The following WDR64 variants were observed in gnomAD, a reference collection of about 807,000 sequenced individuals.
WDR64 encodes WD repeat domain 64.
In WDR64, 112 loss-of-function variants were observed where a neutral mutation model predicts 139.3. That is an observed-to-expected ratio of 0.80 (90% CI 0.69 to 0.94). The LOEUF (loss-of-function observed/expected upper bound fraction) is 0.94. WDR64 is among the 40% of genes least tolerant of loss of function. The pLI is 0.00. For synonymous variants in WDR64, 444 were observed against 437.7 expected (o/e 1.01, Z -0.18); for missense variants, 1,206 against 1,293.1 (o/e 0.93, Z 1.03).
rs1435611894 is a variant in WDR64, at chr1:241,802,758, T to TA, written c.*1546dup. On this transcript the variant is annotated 3_prime_UTR_variant, in exon 28 of 28. Coordinates refer to ENST00000437684, the MANE Select transcript of WDR64 (RefSeq NM_001367482.1). Reference sequence around the variant, plus strand: ...AGGTGGTAGGAATACAGGTATTCATTAAAGAACTCTTTCAAATTCTCTGAG... The same window carrying TA: ...AGGTGGTAGGAATACAGGTATTCATTAAAAGAACTCTTTCAAATTCTCTGAG... Among the ~76,000 whole-genome samples the TA allele has an allele frequency of 6.6e-6, 1 of 152,168 alleles. No individual in the cohort carries two copies.
intron 2 of WDR64, among the ~76,000 whole-genome samples, chr1:241,665,992 T>C (rs1666012014): frequency 6.6e-6 from 1 of 152,214 alleles, no homozygotes; most frequent in Non-Finnish European, 1.5e-5. Flanking sequence ...GCATGCAGGT[T>C]TTTATTTTCT....
At chr1:241,696,742 T>C (rs1471735774) in intron 8 of WDR64, among the ~76,000 whole-genome samples, 2 of 152,154 alleles carry the variant, frequency 1.3e-5, no homozygotes, top group African/African-American at 4.8e-5. Flanking sequence ...GAGGTCACTC[T>C]CATGGCCATC....
intron 8 of WDR64, among the ~76,000 whole-genome samples, chr1:241,706,565 A>G (rs7417070): frequency 0.06 from 9,141 of 152,296 alleles, 345 homozygotes; most frequent in South Asian, 0.11. Context: ...CTTTTGATTT[A>G]TGTTACTAAA....
chr1:241,759,804 C>T (rs934427953), intron 15 of WDR64, among the ~76,000 whole-genome samples: 1 of 152,070 alleles, frequency 6.6e-6, no homozygotes, highest in African/African-American at 2.4e-5. Flanking sequence ...GTTGCACAAC[C>T]TTCATCACCA....
At chr1:241,698,591 T>C (rs1315729707) in intron 8 of WDR64, among the ~76,000 whole-genome samples, 1 of 152,136 alleles carries the variant, frequency 6.6e-6, no homozygotes, top group East Asian at 1.9e-4. Context: ...GCCTTGTACT[T>C]AGCTTCCTGT....
intron 7 of WDR64, among the ~76,000 whole-genome samples, chr1:241,687,141 C>T (rs371972608): frequency 6.6e-6 from 1 of 151,942 alleles, no homozygotes; most frequent in Non-Finnish European, 1.5e-5. Context: ...CCCGTCTCTA[C>T]TAAAAATACA....
rs566175137 is a variant in WDR64 at position 241,683,441 on chromosome 1, A to G, written c.625-46A>G. 8 of 1,530,846 alleles carry G rather than the reference A, an allele frequency of 5.2e-6. No homozygotes were observed. The South Asian group carries it at 9.6e-5, about 18-fold the overall frequency. 94.8% of individuals were successfully genotyped at this position (1,530,846 alleles called of 1,614,324 possible). A position where few individuals can be genotyped will look rare whatever the true frequency, so the allele number is the denominator to read the frequency against. ...CAAATAATAGGGGAAATATTTATTGAACAGAGCAAAGTAATAATTCATTAA... is the reference window on the plus strand; with the variant it reads ...CAAATAATAGGGGAAATATTTATTGGACAGAGCAAAGTAATAATTCATTAA... On this transcript the variant is annotated intron_variant, in intron 6 of 27. Transcript: ENST00000437684.
At position 241,800,873 on chromosome 1, in the gene WDR64, G is replaced by A. The variant is rs1310628924; in HGVS notation, c.3193-259G>A. Among the ~76,000 whole-genome samples the A allele has an allele frequency of 3.3e-5, 5 of 152,054 alleles. No individual in the cohort carries two copies. In the East Asian group the frequency reaches 5.8e-4, roughly 18 times the overall value. ...GACCCAACCCTTTCCACACTGTGCA[G>A]CTGAGTCCTAGAATGGATAACTGCC... is the stretch of plus-strand genomic sequence containing the variant. On this transcript the variant is annotated intron_variant, in intron 27 of 27. Coordinates refer to ENST00000437684, the MANE Select transcript of WDR64 (RefSeq NM_001367482.1).
chr1:241,788,401 C>T (rs7524442), intron 24 of WDR64, among the ~76,000 whole-genome samples: 69,395 of 151,942 alleles, frequency 0.46, 16,420 homozygotes, highest in Middle Eastern at 0.66. Context: ...TTTAGACATC[C>T]TTTGTCATAA....
At chr1:241,771,945 CATATATATATATATATATATATAT>C (rs57383177) in intron 19 of WDR64, among the ~76,000 whole-genome samples, 7 of 62,366 alleles carry the variant, frequency 1.1e-4, no homozygotes, top group East Asian at 6.7e-4. Flanking sequence ...TACATACATA[CATATATATATATATATATATATAT>C]ATATATATAT....
intron 2 of WDR64, among the ~76,000 whole-genome samples, chr1:241,661,412 C>A (rs1459653275): frequency 6.6e-6 from 1 of 151,696 alleles, no homozygotes; most frequent in East Asian, 1.9e-4. Flanking sequence ...CCCCACATCA[C>A]CCAAATAAAA....
At chr1:241,761,098 C>T (rs2148283852) in intron 15 of WDR64, among the ~76,000 whole-genome samples, 1 of 152,218 alleles carries the variant, frequency 6.6e-6, no homozygotes, top group East Asian at 1.9e-4. Context: ...GCCTATTTCC[C>T]CACAGCCTTG....
At chr1:241,758,950 A>G (rs1670317667) in intron 15 of WDR64, among the ~76,000 whole-genome samples, 1 of 152,210 alleles carries the variant, frequency 6.6e-6, no homozygotes, top group African/African-American at 2.4e-5. Context: ...ACTATTTTGC[A>G]CTGATATTCC....
intron 10 of WDR64, among the ~76,000 whole-genome samples, chr1:241,737,981 T>C (rs1353174032): frequency 4.6e-5 from 7 of 152,174 alleles, no homozygotes; most frequent in Non-Finnish European, 1.0e-4. Flanking sequence ...ACGTAAAATA[T>C]GTCTTCTCCC....
intron 10 of WDR64, among the ~76,000 whole-genome samples, chr1:241,731,394 A>AT (rs1669073145): frequency 1.3e-5 from 2 of 152,176 alleles, no homozygotes; most frequent in South Asian, 4.1e-4. Context: ...GTCCTAACAT[A>AT]GATGTAAGCT....
Position 241,660,555 on chromosome 1 carries a change from T to C in WDR64, c.171T>C (p.Tyr57=). ...ATGCAATTGGTTATGACAAGTTTTATGCATCGGTACAGAAGCTCTTTGGTC... is the reference window on the plus strand; with the variant it reads ...ATGCAATTGGTTATGACAAGTTTTACGCATCGGTACAGAAGCTCTTTGGTC... ...KEDAIGYDKF[Y]ASVQKLFGPD... is the part of the protein sequence containing the mutation. The change falls in exon 2 of 28, where the codon TAT becomes TAC. Residue 57 remains tyrosine (Y), a synonymous_variant. Coordinates refer to ENST00000437684, the MANE Select transcript of WDR64 (RefSeq NM_001367482.1). 1 of 1,551,832 alleles carries C rather than the reference T, an allele frequency of 6.4e-7. No individual in the cohort carries two copies. Among genetic ancestry groups the C allele is most frequent in the Non-Finnish European group, 8.7e-7 (1 of 1,146,870 alleles).
intron 9 of WDR64, among the ~76,000 whole-genome samples, chr1:241,718,681 C>CA (rs1410220072): frequency 6.6e-6 from 1 of 152,138 alleles, no homozygotes; most frequent in Non-Finnish European, 1.5e-5. Flanking sequence ...GCTGCCTTAA[C>CA]AAAATACCAT....
At chr1:241,674,833 C>G in intron 4 of WDR64, 86 bp downstream of exon 4, 1 of 625,214 alleles carries the variant, frequency 1.6e-6, no homozygotes, top group Non-Finnish European at 2.7e-6. Flanking sequence ...CCCCCTCCCT[C>G]CCTCCCTTCC....
intron 25 of WDR64, 48 bp downstream of exon 25, chr1:241,790,744 C>T (rs1206982887): frequency 1.4e-6 from 2 of 1,404,074 alleles, no homozygotes; most frequent in African/African-American, 1.5e-5. Context: ...ACAACAAAAC[C>T]TTTGCTTTTG....
Sources: allele counts gnomAD v4.1 joint callset (sites outside exome capture counted in the v4.1 genomes callset), GRCh38; gene constraint gnomAD v4.1.1; transcripts MANE v1.5; gene names NCBI Gene and HGNC (gene_info 2026-07-23, HGNC 2026-07-21).